Variants in ENDOD1 observed in about 807,000 individuals in gnomAD.
ENDOD1 encodes endonuclease domain-containing 1 protein.
In ENDOD1, 9 loss-of-function variants were observed where a neutral mutation model predicts 6.5. The ratio of observed to expected loss-of-function variants is 1.39; its 90% confidence interval spans 0.84 to 2.43. The LOEUF (loss-of-function observed/expected upper bound fraction) is 2.43. ENDOD1 is among the 30% of genes most tolerant of loss of function. The pLI is 0.00. For synonymous variants in ENDOD1, 255 were observed against 255.2 expected (o/e 1.00, Z 0.01); for missense variants, 648 against 635.5 (o/e 1.02, Z -0.21).
chr11:95,120,853 T>G (rs903961174), intron 1 of ENDOD1, among the ~76,000 whole-genome samples: 1 of 152,208 alleles, frequency 6.6e-6, no homozygotes, highest in African/African-American at 2.4e-5. Context: ...CCACTGGGAT[T>G]GGCAGCTTTT....
At chr11:95,104,057 T>C (rs1555111191) in intron 1 of ENDOD1, among the ~76,000 whole-genome samples, 1 of 152,204 alleles carries the variant, frequency 6.6e-6, no homozygotes, top group Non-Finnish European at 1.5e-5. Flanking sequence ...TCCTCTGTTA[T>C]TGTTACCCCT....
intron 1 of ENDOD1, among the ~76,000 whole-genome samples, chr11:95,095,178 A>G (rs923117276): frequency 3.3e-5 from 5 of 152,250 alleles, no homozygotes; most frequent in Non-Finnish European, 5.9e-5. Context: ...TATGTCCCAC[A>G]TTCATACAGT....
Position 95,129,782 on chromosome 11 carries a change from C to A in ENDOD1, c.*203C>A. On this transcript the variant is annotated 3_prime_UTR_variant, in exon 2 of 2. Transcript: ENST00000278505. ...GGGTGAGATTAGGTGTAGTAATCTGCTGTTTACCTCCAGTTATATGTGCAA... is the reference window on the plus strand; with the variant it reads ...GGGTGAGATTAGGTGTAGTAATCTGATGTTTACCTCCAGTTATATGTGCAA... The A allele has an allele frequency of 1.7e-6, 1 of 578,628 alleles. No homozygotes were observed. The highest frequency in any genetic ancestry group is 3.0e-6 in the Non-Finnish European group (1 of 331,204). 35.8% of individuals were successfully genotyped at this position (578,628 alleles called of 1,614,324 possible). A position where few individuals can be genotyped will look rare whatever the true frequency, so the allele number is the denominator to read the frequency against.
At chr11:95,090,375 T>C in intron 1 of ENDOD1, 148 bp downstream of exon 1, 1 of 1,116,216 alleles carries the variant, frequency 9.0e-7, no homozygotes, top group South Asian at 2.4e-5. Flanking sequence ...GGGTTCCAGG[T>C]CCACCCTGTT....
At chr11:95,117,560 G>A (rs1859223030) in intron 1 of ENDOD1, among the ~76,000 whole-genome samples, 1 of 152,090 alleles carries the variant, frequency 6.6e-6, no homozygotes, top group South Asian at 2.1e-4. Flanking sequence ...AATCTGTGTT[G>A]TCTGATATAA....
intron 1 of ENDOD1, among the ~76,000 whole-genome samples, chr11:95,116,379 C>G (rs1240172618): frequency 6.6e-6 from 1 of 152,166 alleles, no homozygotes; most frequent in Non-Finnish European, 1.5e-5. Context: ...TGGGTCTTCT[C>G]TCTTTTTCTT....
intron 1 of ENDOD1, among the ~76,000 whole-genome samples, chr11:95,111,936 G>T (rs1267084939): frequency 1.3e-5 from 2 of 152,124 alleles, no homozygotes; most frequent in African/African-American, 2.4e-5. Context: ...TATCTCTCAA[G>T]GCCGAGGTCC....
chr11:95,102,280 G>A (rs1859047828), intron 1 of ENDOD1, among the ~76,000 whole-genome samples: 1 of 151,698 alleles, frequency 6.6e-6, no homozygotes, highest in Non-Finnish European at 1.5e-5. Context: ...GAGAAAAAAA[G>A]GGAAATTATT....
intron 1 of ENDOD1, among the ~76,000 whole-genome samples, chr11:95,098,708 ACATGTAATTT>A (rs1407401979): frequency 6.6e-6 from 1 of 151,200 alleles, no homozygotes; most frequent in African/African-American, 2.4e-5. Context: ...TTTTTTTTTC[ACATGTAATTT>A]CATGTAATCC....
At chr11:95,107,821 C>A (rs1457235481) in intron 1 of ENDOD1, among the ~76,000 whole-genome samples, 1 of 152,138 alleles carries the variant, frequency 6.6e-6, no homozygotes, top group African/African-American at 2.4e-5. Flanking sequence ...CCACTCCGCC[C>A]GGCTAATTTT....
At position 95,125,438 on chromosome 11, in the gene ENDOD1, TTTA is replaced by T. The variant is rs201596098; in HGVS notation, c.301-2919_301-2917del. Among the ~76,000 whole-genome samples the T allele has an allele frequency of 9.8e-3, 1,478 of 151,554 alleles. 18 individuals carry two copies. The highest frequency in any genetic ancestry group is 0.058 in the East Asian group (303 of 5,182). On this transcript the variant is annotated intron_variant, in intron 1 of 1. Transcript: ENST00000278505. Reference sequence around the variant, plus strand: ...CAGCTTAACCAAATGAATGAGCTTCTTTATTATTATTATTATTATTATACTTTA... The same window carrying T: ...CAGCTTAACCAAATGAATGAGCTTCTTTATTATTATTATTATTATACTTTA...
intron 1 of ENDOD1, among the ~76,000 whole-genome samples, chr11:95,099,847 A>T (rs1555110678): frequency 1.3e-5 from 2 of 152,116 alleles, no homozygotes; most frequent in Non-Finnish European, 2.9e-5. Context: ...CTGTTATCTT[A>T]GTGTTTATAA....
rs371573485 is a variant in ENDOD1 at position 95,113,567 on chromosome 11, A to G, written c.301-14810A>G. ...CACCAGTTCCATCTATGTTGTTGCA[A>G]ATGACAGGAATTCATTCTTTTTTAT... is the stretch of plus-strand genomic sequence containing the variant. On this transcript the variant is annotated intron_variant, in intron 1 of 1. Transcript: ENST00000278505. 3.9e-5 allele frequency among the ~76,000 whole-genome samples: 6 copies of G among 152,276 alleles called. No individual in the cohort carries two copies. The East Asian group carries it at 1.2e-3, about 29-fold the overall frequency.
chr11:95,129,235 T>A lies in ENDOD1; in HGVS notation c.1159T>A (p.Phe387Ile), dbSNP rs773423805. The A allele has an allele frequency of 1.9e-6, 3 of 1,614,216 alleles. No homozygotes were observed. The highest frequency in any genetic ancestry group is 3.3e-5 in the Admixed American group (2 of 60,020). The change falls in exon 2 of 2, where the codon TTC (phenylalanine) becomes ATC (isoleucine). Residue 387 changes from phenylalanine (F) to isoleucine (I), a missense_variant. Transcript: ENST00000278505. ...CCTGGGCTCAGCCACCATCTCATACTTCATGGCCATTGGGGAAGAGTTGGT... is the reference window on the plus strand; with the variant it reads ...CCTGGGCTCAGCCACCATCTCATACATCATGGCCATTGGGGAAGAGTTGGT... ...YRLGSATISY[F>I]MAIGEELVSI...
intron 1 of ENDOD1, among the ~76,000 whole-genome samples, chr11:95,103,149 T>A (rs1263389300): frequency 7.3e-5 from 11 of 150,848 alleles, no homozygotes; most frequent in African/African-American, 2.7e-4. Context: ...TTCCTCTCAG[T>A]GAGTCTAACC....
At chr11:95,110,402 A>G (rs971841027) in intron 1 of ENDOD1, among the ~76,000 whole-genome samples, 4 of 152,214 alleles carry the variant, frequency 2.6e-5, no homozygotes, top group Admixed American at 6.5e-5. Context: ...AGAACCTACC[A>G]TATACAGAGT....
chr11:95,121,919 A>T (rs1363312035), intron 1 of ENDOD1, among the ~76,000 whole-genome samples: 1 of 152,202 alleles, frequency 6.6e-6, no homozygotes, highest in Non-Finnish European at 1.5e-5. Flanking sequence ...GATAAGACAG[A>T]GCTTTGTGTG....
chr11:95,090,736 A>C (rs894132087), intron 1 of ENDOD1, among the ~76,000 whole-genome samples: 2 of 152,202 alleles, frequency 1.3e-5, no homozygotes, highest in African/African-American at 4.8e-5. Flanking sequence ...AAGACTACCC[A>C]GTTAGTAAGA....
chr11:95,112,875 A>G (rs1555112088), intron 1 of ENDOD1, among the ~76,000 whole-genome samples: 1 of 152,174 alleles, frequency 6.6e-6, no homozygotes, highest in Non-Finnish European at 1.5e-5. Flanking sequence ...GTTTCCGTAA[A>G]TAGATGGTGA....
Sources: allele counts gnomAD v4.1 joint callset (sites outside exome capture counted in the v4.1 genomes callset), GRCh38; gene constraint gnomAD v4.1.1; transcripts MANE v1.5; gene names NCBI Gene and HGNC (gene_info 2026-07-23, HGNC 2026-07-21).